IL17B: variants seen among roughly 807,000 people sequenced by gnomAD.
IL17B encodes interleukin 17B.
A neutral mutation model predicts 14.7 loss-of-function variants in IL17B; 14 were observed. That is an observed-to-expected ratio of 0.95 (90% confidence interval 0.63 to 1.49). The LOEUF is 1.49. Among genes scored for constraint, IL17B ranks in the 40% most tolerant of loss-of-function variants. The pLI, the probability that IL17B is intolerant of heterozygous loss-of-function variation, is 0.00. For missense variants in IL17B, 233 were observed against 252.8 expected, an observed-to-expected ratio of 0.92 and a Z score of 0.53; for synonymous variants, 105 against 94.8, an observed-to-expected ratio of 1.11 and a Z score of -0.62.
chr5:149,374,588 G>T lies in IL17B; in HGVS notation c.324C>A (p.Asp108Glu). 2.5e-6 allele frequency: 4 copies of T among 1,611,270 alleles called. No individual in the cohort carries two copies. Among genetic ancestry groups the T allele is most frequent in the Non-Finnish European group, 3.4e-6 (4 of 1,178,456 alleles). The change falls in exon 3 of 3, where the codon GAC (aspartate) becomes GAA (glutamate). Residue 108 changes from aspartate (D) to glutamate (E), a missense_variant. Physicochemically the swap from Asp to Glu is conservative, Grantham distance 45 (BLOSUM62 2). Coordinates refer to ENST00000261796, the MANE Select transcript of IL17B (RefSeq NM_014443.3). The surrounding 1 kb of genome is among the most constrained non-coding windows in gnomAD (Gnocchi z 5.0). ...LSPWGYSINH[D>E]PSRIPVDLPE... ...GCAGGTCCACGGGGATACGGCTGGG[G>T]TCGTGGTTGATGCTGCAGGGAGCAG...
Position 149,379,137 on chromosome 5 carries a change from G to A in IL17B, c.21+68C>T. On this transcript the variant is annotated intron_variant, in intron 1 of 2. Coordinates refer to ENST00000261796, the MANE Select transcript of IL17B (RefSeq NM_014443.3). ...AAACAGAGGCAGCCATTAATAAATA[G>A]GAAAGAAAAACTGACATATTTGGGC... is the stretch of plus-strand genomic sequence containing the variant. 1.9e-6 allele frequency: 3 copies of A among 1,587,848 alleles called. No individual in the cohort carries two copies. In the South Asian group the frequency reaches 3.3e-5, roughly 18 times the overall value.
chr5:149,377,083 A>T, intron 1 of IL17B, 58 bp from the exon 2 acceptor site: 3 of 1,434,100 alleles, frequency 2.1e-6, no homozygotes, highest in Non-Finnish European at 2.8e-6. Context: ...CTGGGCCAAG[A>T]CTTGGGGTCC....
At chr5:149,381,727 G>A (rs533890927), upstream of IL17B, among the ~76,000 whole-genome samples, 82 of 152,324 alleles carry the variant, frequency 5.4e-4, 1 homozygote, top group African/African-American at 1.8e-3. Context: ...AGACCAGGAG[G>A]GAGACCCCTT....
At chr5:149,396,107 A>T (rs10050356) in intron 1 of IL17B, among the ~76,000 whole-genome samples, 4 of 152,092 alleles carry the variant, frequency 2.6e-5, no homozygotes, top group Non-Finnish European at 5.9e-5. Flanking sequence ...AATAAACTGC[A>T]TTGCTAATAC....
At chr5:149,393,029 G>A (rs1379277569) in intron 1 of IL17B, among the ~76,000 whole-genome samples, 1 of 151,466 alleles carries the variant, frequency 6.6e-6, no homozygotes, top group African/African-American at 2.4e-5. Context: ...GTGTGTGTGG[G>A]CGTGTGTGTG....
chr5:149,376,636 A>T (rs1758545226), intron 2 of IL17B, 100 bp downstream of exon 2: 1 of 1,467,658 alleles, frequency 6.8e-7, no homozygotes, highest in African/African-American at 1.4e-5. Context: ...GAACCCAAGC[A>T]CCCAGACCTC....
At position 149,374,441 on chromosome 5, in the gene IL17B, C is replaced by T. The variant is rs777391829; in HGVS notation, c.471G>A (p.Pro157=). ...VPVRRRLCPP[P]PRTGPCRQRA... is the part of the protein sequence containing the mutation. ...GCTGGCGGCAAGGCCCTGTGCGGGG[C>T]GGTGGCGGGCAGAGGCGGCGGCGCA... The change falls in exon 3 of 3, where the codon CCG becomes CCA. Residue 157 remains proline, a synonymous_variant. Coordinates refer to ENST00000261796, the MANE Select transcript of IL17B (RefSeq NM_014443.3). This position sits in a 1 kb window ranked among gnomAD's most constrained non-coding sequence, Gnocchi z 5.0. 27 of 1,609,780 alleles carry T rather than the reference C, an allele frequency of 1.7e-5. No individual in the cohort carries two copies. In the East Asian group the frequency reaches 4.7e-4, roughly 28 times the overall value.
intron 1 of IL17B, among the ~76,000 whole-genome samples, chr5:149,389,452 C>A (rs192689966): frequency 4.5e-4 from 68 of 152,374 alleles, no homozygotes; most frequent in Non-Finnish European, 2.1e-4. Context: ...GAGCCATCAT[C>A]TCCTCTCTTT....
In IL17B at chr5:149,374,528, G is replaced by T. The variant is rs748585346; in HGVS notation, c.384C>A (p.Asn128Lys). ...TGCGGTCCTCCTGCATGGTGAAGGGGTTCACACAGCCCAGACACAGGCACC... is the reference window on the plus strand; with the variant it reads ...TGCGGTCCTCCTGCATGGTGAAGGGTTTCACACAGCCCAGACACAGGCACC... ...EARCLCLGCVNPFTMQEDRSM... is the reference protein window; with the variant it reads ...EARCLCLGCVKPFTMQEDRSM... Residue 128 changes from asparagine (N) to lysine (K), a missense_variant, in exon 3 of 3, where the codon AAC becomes AAA. Physicochemically the swap from Asn to Lys is moderately conservative, Grantham distance 94. Coordinates refer to ENST00000261796, the MANE Select transcript of IL17B (RefSeq NM_014443.3). The surrounding 1 kb of genome is among the most constrained non-coding windows in gnomAD (Gnocchi z 5.0). 1.9e-6 allele frequency: 3 copies of T among 1,613,216 alleles called. No homozygotes were observed. The highest frequency in any genetic ancestry group is 1.3e-5 in the African/African-American group (1 of 74,944).
Position 149,376,759 on chromosome 5 carries a change from C to T in IL17B, c.288G>A (p.Arg96=), listed in dbSNP as rs145791175. The part of the protein sequence containing the change: ...VNLQLWMSNK[R]SLSPWGYSIN... The stretch of plus-strand genomic sequence containing the variant: ...ACCTGTAGCCCCAGGGAGACAGGCT[C>T]CTCTTGTTGGACATCCACAGCTGCA... Residue 96 remains arginine (R), a synonymous_variant, in exon 2 of 3, where the codon AGG becomes AGA. Transcript: ENST00000261796. The T allele has an allele frequency of 1.9e-5, 30 of 1,611,580 alleles. No homozygotes were observed. The highest frequency in any genetic ancestry group is 1.7e-4 in the Middle Eastern group (1 of 6,060).
chr5:149,382,682 AG>A (rs1410738094), upstream of IL17B, among the ~76,000 whole-genome samples: 2 of 152,246 alleles, frequency 1.3e-5, no homozygotes, highest in Non-Finnish European at 2.9e-5. Context: ...GGCGGCAGCC[AG>A]GGGTGGAGGG....
At chr5:149,383,958 A>G (rs1193615167), upstream of IL17B, among the ~76,000 whole-genome samples, 1 of 152,184 alleles carries the variant, frequency 6.6e-6, no homozygotes, top group African/African-American at 2.4e-5. Context: ...CTGGGTTGCA[A>G]ATTGACTCTA....
At chr5:149,375,889 T>C (rs1758517090) in intron 2 of IL17B, among the ~76,000 whole-genome samples, 1 of 151,940 alleles carries the variant, frequency 6.6e-6, no homozygotes, top group Admixed American at 6.6e-5. Context: ...AAACAAAAAA[T>C]AAAAAAATTA....
At chr5:149,399,180 G>A (rs997897021) in intron 1 of IL17B, among the ~76,000 whole-genome samples, 1 of 152,142 alleles carries the variant, frequency 6.6e-6, no homozygotes, top group South Asian at 2.1e-4. Flanking sequence ...GTGTGGGGAC[G>A]CAGCCAAACC....
chr5:149,386,189 T>C (rs1396142231), intron 1 of IL17B, among the ~76,000 whole-genome samples: 1 of 152,170 alleles, frequency 6.6e-6, no homozygotes, highest in Admixed American at 6.5e-5. Flanking sequence ...TATGTGTGTG[T>C]TTTGTTATTG....
Position 149,376,803 on chromosome 5 carries a change from TCTGGGCCAGCTCTGAGCTGTTCCTCAG to T in IL17B, c.217_243del (p.Leu73_Gln81del), listed in dbSNP as rs769760826. On this transcript the variant is annotated inframe_deletion, in exon 2 of 3. Coordinates refer to ENST00000261796, the MANE Select transcript of IL17B (RefSeq NM_014443.3). ...AGCTGCAAGTTGACCTCACACTTTC[TCTGGGCCAGCTCTGAGCTGTTCCTCAG>T]CTGGGCCACCATCTCCTCGATGTTC... The T allele has an allele frequency of 3.8e-5, 62 of 1,613,936 alleles. No homozygotes were observed. Among genetic ancestry groups the T allele is most frequent in the Non-Finnish European group, 5.1e-5 (60 of 1,179,996 alleles).
intron 1 of IL17B, among the ~76,000 whole-genome samples, chr5:149,389,036 A>G (rs1323522882): frequency 6.6e-6 from 1 of 152,224 alleles, no homozygotes; most frequent in Non-Finnish European, 1.5e-5. Context: ...AACTCAGTAA[A>G]TGTCGGCTGA....
chr5:149,388,094 G>T (rs1758863430), intron 1 of IL17B, among the ~76,000 whole-genome samples: 1 of 152,224 alleles, frequency 6.6e-6, no homozygotes, highest in Non-Finnish European at 1.5e-5. Context: ...GCCATGGTCA[G>T]CTGTGCTTTA....
chr5:149,391,502 C>A (rs1192628252), intron 1 of IL17B, among the ~76,000 whole-genome samples: 2 of 152,156 alleles, frequency 1.3e-5, no homozygotes, highest in African/African-American at 4.8e-5. Context: ...GAATTCTTCC[C>A]AATTTTAGAG....
Sources: gnomAD v4.1 joint callset for allele counts (sites outside exome capture counted in the v4.1 genomes callset) on GRCh38, gnomAD v4.1.1 for gene constraint, Gnocchi (gnomAD v3.1) non-coding constraint, MANE v1.5 for transcripts, NCBI Gene and HGNC (gene_info 2026-07-23, HGNC 2026-07-21) for gene names.